The following PDE3B variants were observed in gnomAD, a reference collection of about 807,000 sequenced individuals.
The protein encoded by PDE3B is phosphodiesterase 3B.
PDE3B carries 66 observed loss-of-function variants against 116.8 expected under a neutral mutation model. The observed-to-expected ratio is 0.56, with a 90% CI of 0.46 to 0.69. The LOEUF is 0.69. Among genes scored for constraint, PDE3B ranks in the 30% least tolerant of loss-of-function variants. The probability of loss-of-function intolerance (pLI) is 0.00; values close to 1 mark genes in which losing one functional copy is unlikely to be tolerated. For missense variants in PDE3B, 1,384 were observed against 1,368.1 expected, an observed-to-expected ratio of 1.01 and a Z score of -0.18; for synonymous variants, 595 against 533.6, an observed-to-expected ratio of 1.12 and a Z score of -1.59.
the PDE3B span, chr11:14,878,102 C>G: frequency 1.4e-5 from 23 of 1,612,380 alleles, no homozygotes; most frequent in Non-Finnish European, 2.0e-5. Flanking sequence ...TTCTTGTTCC[C>G]GAAAACATCC....
chr11:14,875,364 C>T (rs141454354), downstream of PDE3B, among the ~76,000 whole-genome samples: 332 of 152,198 alleles, frequency 2.2e-3, 1 homozygote, highest in African/African-American at 7.4e-3. Flanking sequence ...GCCCTCAACC[C>T]GTATTCTCAA....
chr11:14,647,908 G>T (rs1330127930), intron 1 of PDE3B, among the ~76,000 whole-genome samples: 1 of 149,156 alleles, frequency 6.7e-6, no homozygotes, highest in African/African-American at 2.5e-5. Flanking sequence ...ATATGTATCA[G>T]TTCAGTTCTT....
At chr11:14,664,344 A>G (rs1160713088) in intron 1 of PDE3B, among the ~76,000 whole-genome samples, 3 of 152,174 alleles carry the variant, frequency 2.0e-5, no homozygotes, top group African/African-American at 7.2e-5. Context: ...CCCTAATATC[A>G]CAATTAAAAG....
chr11:14,886,168 G>A, the PDE3B span: 1 of 490,288 alleles, frequency 2.0e-6, no homozygotes, highest in Non-Finnish European at 3.7e-6. Context: ...AAGGGTACTG[G>A]ACTCGGGAGG....
chr11:14,646,859 G>A (rs1178530057), intron 1 of PDE3B, among the ~76,000 whole-genome samples: 1 of 151,742 alleles, frequency 6.6e-6, no homozygotes, highest in African/African-American at 2.4e-5. Flanking sequence ...TTCTAAAGAG[G>A]GTGTAATTTC....
chr11:14,867,460 G>A (rs1848068221), intron 14 of PDE3B, 46 bp from the exon 15 acceptor site: 1 of 1,562,040 alleles, frequency 6.4e-7, no homozygotes, highest in East Asian at 2.3e-5. Context: ...CTCAGTGGTG[G>A]TTCTTTCACC....
chr11:14,707,813 G>A (rs1228822232), intron 1 of PDE3B, among the ~76,000 whole-genome samples: 1 of 151,974 alleles, frequency 6.6e-6, no homozygotes, highest in African/African-American at 2.4e-5. Context: ...TTTAGCTAGA[G>A]TTCAACACTT....
At chr11:14,880,528 T>G in the PDE3B span, 2 of 1,613,540 alleles carry the variant, frequency 1.2e-6, no homozygotes, top group Non-Finnish European at 1.7e-6. Context: ...ATCGGTGTCT[T>G]CATAAGTGAA....
At chr11:14,807,014 A>G (rs935059298) in intron 5 of PDE3B, among the ~76,000 whole-genome samples, 1 of 152,126 alleles carries the variant, frequency 6.6e-6, no homozygotes, top group Non-Finnish European at 1.5e-5. Context: ...AGAACAGAAA[A>G]CTAAACACCG....
intron 1 of PDE3B, among the ~76,000 whole-genome samples, chr11:14,754,363 C>A (rs1274094320): frequency 6.6e-6 from 1 of 152,078 alleles, no homozygotes; most frequent in Non-Finnish European, 1.5e-5. Context: ...ACTAACAAAT[C>A]ATGCTAACAT....
intron 1 of PDE3B, among the ~76,000 whole-genome samples, chr11:14,676,841 T>C (rs1854544959): frequency 1.3e-5 from 2 of 152,188 alleles, no homozygotes. Flanking sequence ...TGTTTAAGTC[T>C]AATGCACTAA....
At chr11:14,798,247 A>G (rs144460756) in intron 4 of PDE3B, among the ~76,000 whole-genome samples, 2 of 152,138 alleles carry the variant, frequency 1.3e-5, no homozygotes, top group Admixed American at 6.5e-5. Context: ...TGATTTGTGT[A>G]TGTTGAACCA....
intron 1 of PDE3B, among the ~76,000 whole-genome samples, chr11:14,666,414 G>C (rs200893786): frequency 1.3e-5 from 2 of 151,302 alleles, no homozygotes; most frequent in African/African-American, 2.4e-5. Flanking sequence ...AATGGCAACA[G>C]AAGCCAAAAT....
chr11:14,829,064 A>G (rs1244926024), intron 7 of PDE3B, among the ~76,000 whole-genome samples: 1 of 152,200 alleles, frequency 6.6e-6, no homozygotes, highest in African/African-American at 2.4e-5. Flanking sequence ...AGAAAACCAA[A>G]TATTGTTATG....
the PDE3B span, among the ~76,000 whole-genome samples, chr11:14,881,655 G>C: frequency 6.6e-6 from 1 of 152,022 alleles, no homozygotes; most frequent in Non-Finnish European, 1.5e-5. Context: ...TTCTCGCTCA[G>C]TTAATGTGAG....
the PDE3B span, chr11:14,886,263 T>C: frequency 4.6e-6 from 1 of 216,356 alleles, no homozygotes; most frequent in Admixed American, 5.2e-5. Context: ...AGTATTGCCA[T>C]AGAAAATATA....
chr11:14,795,983 G>A (rs1367284686), intron 4 of PDE3B, among the ~76,000 whole-genome samples: 7 of 152,062 alleles, frequency 4.6e-5, no homozygotes, highest in African/African-American at 9.6e-5. Context: ...CCATCAACCC[G>A]TCACCTACAT....
chr11:14,845,674 G>A (rs1000920454), intron 12 of PDE3B, among the ~76,000 whole-genome samples: 39 of 152,292 alleles, frequency 2.6e-4, no homozygotes, highest in African/African-American at 7.0e-4. Flanking sequence ...GCCAAGGCTC[G>A]AAAACTACGT....
intron 1 of PDE3B, among the ~76,000 whole-genome samples, chr11:14,760,467 A>T (rs1159701564): frequency 1.3e-5 from 2 of 152,204 alleles, no homozygotes; most frequent in African/African-American, 4.8e-5. Flanking sequence ...TCTGATTTAT[A>T]TTAATAATTG....
Sources: gnomAD v4.1 joint callset for allele counts (sites outside exome capture counted in the v4.1 genomes callset) on GRCh38, gnomAD v4.1.1 for gene constraint, MANE v1.5 for transcripts, NCBI Gene and HGNC (gene_info 2026-07-23, HGNC 2026-07-21) for gene names.